COL23A1: variants seen among roughly 807,000 people sequenced by gnomAD.
COL23A1 encodes the protein collagen alpha-1(XXIII) chain.
COL23A1 carries 97 observed loss-of-function variants against 99.3 expected under a neutral mutation model. That is an observed-to-expected ratio of 0.98 (90% CI 0.83 to 1.16). The LOEUF (loss-of-function observed/expected upper bound fraction) is 1.16, where lower values mean the gene tolerates loss of function less well. COL23A1 is among the 50% of genes most tolerant of loss of function. The probability of loss-of-function intolerance (pLI) is 0.00; values close to 1 mark genes in which losing one functional copy is unlikely to be tolerated. For synonymous variants in COL23A1, 320 were observed against 308.2 expected (o/e 1.04, Z -0.40); for missense variants, 762 against 757.4 (o/e 1.01, Z -0.07).
chr5:178,513,472 G>T (rs887995814), intron 2 of COL23A1, among the ~76,000 whole-genome samples: 11 of 152,146 alleles, frequency 7.2e-5, no homozygotes, highest in African/African-American at 2.7e-4. Context: ...TTAGAGTTCT[G>T]TAGGTCAGAA....
intron 2 of COL23A1, among the ~76,000 whole-genome samples, chr5:178,372,305 C>T (rs970778015): frequency 3.9e-5 from 6 of 152,216 alleles, no homozygotes; most frequent in African/African-American, 1.4e-4. Flanking sequence ...TTGGCAGGAG[C>T]GCCGTTTCCT....
At position 178,365,582 on chromosome 5, in the gene COL23A1, T is replaced by A. The variant is rs1048664264; in HGVS notation, c.362-58663A>T. Among the ~76,000 whole-genome samples, 3 of 152,162 alleles carry A rather than the reference T, an allele frequency of 2.0e-5. No homozygotes were observed. The highest frequency in any genetic ancestry group is 6.5e-5 in the Admixed American group (1 of 15,288). ...GGTCTGGCTGGGCCCACCTGGCTGC[T>A]TCCTGGTCTCTACCACATGCCCCAG... is the stretch of plus-strand genomic sequence containing the variant. On this transcript the variant is annotated intron_variant, in intron 2 of 28. Transcript: ENST00000390654. The surrounding 1 kb of genome is among the most constrained non-coding windows in gnomAD (Gnocchi z 5.2).
chr5:178,362,275 G>A (rs1334019578), intron 2 of COL23A1, among the ~76,000 whole-genome samples: 1 of 152,152 alleles, frequency 6.6e-6, no homozygotes, highest in African/African-American at 2.4e-5. Context: ...TTTGGAGCCA[G>A]GCGGCTGTGG....
In COL23A1 at chr5:178,589,992, T is replaced by A; in HGVS notation, c.206A>T (p.Glu69Val). 1.5e-6 allele frequency: 2 copies of A among 1,342,008 alleles called. No individual in the cohort carries two copies. The highest frequency in any genetic ancestry group is 9.5e-7 in the Non-Finnish European group (1 of 1,051,312). 83.1% of individuals were successfully genotyped at this position (1,342,008 alleles called of 1,614,324 possible). A position where few individuals can be genotyped will look rare whatever the true frequency, so the allele number is the denominator to read the frequency against. Residue 69 changes from glutamate to valine, a missense_variant, in exon 1 of 29, where the codon GAG (glutamate) becomes GTG (valine). Glu to Val is a moderately radical substitution (Grantham distance 121, BLOSUM62 -2). Coordinates refer to ENST00000390654, the MANE Select transcript of COL23A1 (RefSeq NM_173465.4). This position sits in a 1 kb window ranked among gnomAD's most constrained non-coding sequence, Gnocchi z 5.4. ...GCGCCGCAGCAGCTCCCGCTCCTCC[T>A]CGAGCGCCGCCACCCGGCCCTGCAG... ...AALQGRVAAL[E>V]EERELLRRAG...
chr5:178,540,017 A>G (rs1309608086), intron 2 of COL23A1, among the ~76,000 whole-genome samples: 1 of 152,230 alleles, frequency 6.6e-6, no homozygotes, highest in Non-Finnish European at 1.5e-5. Context: ...AAGTCATATG[A>G]TCATCTCATA....
chr5:178,274,671 C>T (rs1756487053), intron 5 of COL23A1, among the ~76,000 whole-genome samples: 1 of 152,180 alleles, frequency 6.6e-6, no homozygotes, highest in Non-Finnish European at 1.5e-5. Flanking sequence ...GCATCTCCCA[C>T]AGAAGGAGTG....
chr5:178,290,559 C>T (rs1757400341), intron 3 of COL23A1, among the ~76,000 whole-genome samples, 190 bp from the exon 4 acceptor site: 1 of 152,194 alleles, frequency 6.6e-6, no homozygotes, highest in South Asian at 2.1e-4. Flanking sequence ...GCACCTTTGC[C>T]CTTGGAGGGG....
intron 3 of COL23A1, among the ~76,000 whole-genome samples, chr5:178,303,406 C>T (rs1260896594): frequency 6.6e-6 from 1 of 152,184 alleles, no homozygotes; most frequent in Admixed American, 6.5e-5. Flanking sequence ...CCTGAATAAA[C>T]ATTTCTTGGG....
chr5:178,328,614 A>G (rs1215808983), intron 2 of COL23A1, among the ~76,000 whole-genome samples: 1 of 152,160 alleles, frequency 6.6e-6, no homozygotes, highest in East Asian at 1.9e-4. Flanking sequence ...CCTCAAAACT[A>G]TGCTTCAGAA....
At chr5:178,361,753 C>G (rs1047333619) in intron 2 of COL23A1, among the ~76,000 whole-genome samples, 6 of 152,226 alleles carry the variant, frequency 3.9e-5, no homozygotes, top group African/African-American at 1.4e-4. Flanking sequence ...GAACCGCAGT[C>G]ACCTCCAAGA....
rs1012628902 is a variant in COL23A1 at position 178,434,577 on chromosome 5, G to T, written c.361+126105C>A. Among the ~76,000 whole-genome samples, 13 of 152,362 alleles carry T rather than the reference G, an allele frequency of 8.5e-5. No individual in the cohort carries two copies. The Middle Eastern group carries it at 0.01, about 120-fold the overall frequency. ...GCCTTCCCTGGGGCCTTCCACTGGC[G>T]CTCTTCCTGGGACCCCAGCTGGGCG... is the stretch of plus-strand genomic sequence containing the variant. On this transcript the variant is annotated intron_variant, in intron 2 of 28. Coordinates refer to ENST00000390654, the MANE Select transcript of COL23A1 (RefSeq NM_173465.4). This position sits in a 1 kb window ranked among gnomAD's most constrained non-coding sequence, Gnocchi z 4.3.
At chr5:178,460,027 T>C (rs907855116) in intron 2 of COL23A1, among the ~76,000 whole-genome samples, 5 of 152,214 alleles carry the variant, frequency 3.3e-5, no homozygotes, top group African/African-American at 1.2e-4. Context: ...TTTTCTGTTT[T>C]CTATTATGTG....
At chr5:178,249,344 G>A in intron 18 of COL23A1, 138 bp from the exon 19 acceptor site, 1 of 827,932 alleles carries the variant, frequency 1.2e-6, no homozygotes, top group Non-Finnish European at 2.0e-6. Flanking sequence ...ACAGTGGCTG[G>A]GAGCCTCACC....
chr5:178,419,627 T>G (rs1190008277), intron 2 of COL23A1, among the ~76,000 whole-genome samples: 2 of 152,174 alleles, frequency 1.3e-5, no homozygotes. Flanking sequence ...GTGTGGGGTT[T>G]CCTCCTCTTC....
intron 2 of COL23A1, among the ~76,000 whole-genome samples, chr5:178,410,816 C>T (rs1765018682): frequency 6.6e-6 from 1 of 152,000 alleles, no homozygotes; most frequent in African/African-American, 2.4e-5. Context: ...AGGACATTAT[C>T]AAAAAAGTAA....
intron 2 of COL23A1, chr5:178,345,381 T>C (rs1760905134): frequency 4.6e-6 from 2 of 430,274 alleles, no homozygotes; most frequent in Admixed American, 3.2e-5. Flanking sequence ...TTAGACCTTT[T>C]GAAACTTCAC....
intron 2 of COL23A1, among the ~76,000 whole-genome samples, chr5:178,435,249 G>A (rs966777803): frequency 2.6e-5 from 4 of 152,222 alleles, no homozygotes; most frequent in African/African-American, 7.2e-5. Context: ...TCCGGATGAG[G>A]TGAAAGAAGG....
chr5:178,359,609 T>G (rs892830677), intron 2 of COL23A1, among the ~76,000 whole-genome samples: 3 of 152,170 alleles, frequency 2.0e-5, no homozygotes, highest in Admixed American at 6.6e-5. Context: ...CTTGTCTGGT[T>G]AAATAAAAAG....
chr5:178,467,442 A>C (rs1036869743), intron 2 of COL23A1, among the ~76,000 whole-genome samples: 11 of 152,194 alleles, frequency 7.2e-5, no homozygotes, highest in African/African-American at 2.7e-4. Flanking sequence ...TCCCTGCCTT[A>C]GGAAGTGTGT....
Sources: allele counts gnomAD v4.1 joint callset (sites outside exome capture counted in the v4.1 genomes callset), GRCh38; gene constraint gnomAD v4.1.1; non-coding constraint Gnocchi (gnomAD v3.1); transcripts MANE v1.5; gene names NCBI Gene and HGNC (gene_info 2026-07-23, HGNC 2026-07-21).